Variants in CEP112 observed in about 807,000 individuals in gnomAD.
CEP112 encodes centrosomal protein 112, also known as centrosomal protein of 112 kDa.
A neutral mutation model predicts 153.0 loss-of-function variants in CEP112; 127 were observed. The ratio of observed to expected loss-of-function variants is 0.83; its 90% CI spans 0.72 to 0.96. The LOEUF is 0.96. CEP112 is among the 40% of genes least tolerant of loss of function. The pLI is 0.00. For synonymous variants in CEP112, 358 were observed against 374.4 expected, an observed-to-expected ratio of 0.96 and a Z score of 0.51; for missense variants, 1,089 against 1,101.2, an observed-to-expected ratio of 0.99 and a Z score of 0.16.
intron 21 of CEP112, among the ~76,000 whole-genome samples, chr17:65,804,170 C>T (rs10468567): frequency 0.34 from 51,834 of 151,970 alleles, 10,129 homozygotes; most frequent in Middle Eastern, 0.47. Flanking sequence ...AAATGTGTTT[C>T]GTCTGGTTTC....
At chr17:66,070,728 A>G (rs2067281281) in intron 8 of CEP112, among the ~76,000 whole-genome samples, 1 of 152,212 alleles carries the variant, frequency 6.6e-6, no homozygotes, top group Admixed American at 6.5e-5. Flanking sequence ...GAAGAGCAAC[A>G]TAAAATTGAT....
At position 66,096,257 on chromosome 17, in the gene CEP112, C is replaced by T; in HGVS notation, c.762G>A (p.Glu254=). Reference sequence around the variant, plus strand: ...AGCAATATCTCATTCCTACCTCTTTCTCACGTATTCGAGAGAGAAAATGAT... The same window carrying T: ...AGCAATATCTCATTCCTACCTCTTTTTCACGTATTCGAGAGAGAAAATGAT... The part of the protein sequence containing the change: ...HDDHFLSRIR[E]KELDMKTKMM... The change falls in exon 8 of 27, where the codon GAG becomes GAA. Residue 254 remains glutamate, a synonymous_variant. Transcript: ENST00000535342. 6.2e-7 allele frequency: 1 copy of T among 1,609,552 alleles called. No homozygotes were observed. Among genetic ancestry groups the T allele is most frequent in the Non-Finnish European group, 8.5e-7 (1 of 1,176,806 alleles).
intron 24 of CEP112, among the ~76,000 whole-genome samples, chr17:65,658,237 G>A (rs955201709): frequency 6.6e-6 from 1 of 152,234 alleles, no homozygotes; most frequent in Non-Finnish European, 1.5e-5. Flanking sequence ...ATTACTGGGA[G>A]GTGGAGAAGG....
At chr17:65,901,805 A>G (rs566242214) in intron 20 of CEP112, among the ~76,000 whole-genome samples, 2 of 151,984 alleles carry the variant, frequency 1.3e-5, no homozygotes, top group East Asian at 3.9e-4. Context: ...AGGCTGATAT[A>G]TTTCATAGGG....
intron 21 of CEP112, among the ~76,000 whole-genome samples, chr17:65,753,749 C>G (rs2052035604): frequency 6.6e-6 from 1 of 152,180 alleles, no homozygotes; most frequent in South Asian, 2.1e-4. Context: ...GTCCCAGGCA[C>G]TGTTCTAAGT....
intron 20 of CEP112, among the ~76,000 whole-genome samples, chr17:65,882,989 C>T (rs533886436): frequency 6.6e-6 from 1 of 152,110 alleles, no homozygotes; most frequent in African/African-American, 2.4e-5. Flanking sequence ...TTCATTAATA[C>T]AGCCACATGC....
chr17:65,806,119 A>G (rs2055582632), intron 21 of CEP112, among the ~76,000 whole-genome samples: 1 of 152,242 alleles, frequency 6.6e-6, no homozygotes, highest in African/African-American at 2.4e-5. Context: ...TTAGGGTGCT[A>G]TAGTTGGAAA....
intron 18 of CEP112, among the ~76,000 whole-genome samples, chr17:65,930,896 AG>A (rs2144247382): frequency 6.6e-6 from 1 of 152,074 alleles, no homozygotes; most frequent in African/African-American, 2.4e-5. Context: ...AAGTTGACTC[AG>A]GTTTTCCTTC....
At chr17:66,152,292 T>C (rs1363751613) in intron 4 of CEP112, among the ~76,000 whole-genome samples, 4 of 152,136 alleles carry the variant, frequency 2.6e-5, no homozygotes, top group Non-Finnish European at 2.9e-5. Context: ...CCTTTTTACA[T>C]AGAGATAGAA....
chr17:65,659,731 G>T (rs1391464045), intron 24 of CEP112, among the ~76,000 whole-genome samples: 1 of 152,066 alleles, frequency 6.6e-6, no homozygotes, highest in Non-Finnish European at 1.5e-5. Context: ...CTTCCTTTAG[G>T]CTTTCTGAAA....
intron 19 of CEP112, among the ~76,000 whole-genome samples, chr17:65,921,502 T>C (rs2060726787): frequency 6.6e-6 from 1 of 152,182 alleles, no homozygotes; most frequent in Non-Finnish European, 1.5e-5. Context: ...TAAAATGTAC[T>C]AGCTCATACT....
chr17:66,094,208 C>T (rs2068248462), intron 8 of CEP112, among the ~76,000 whole-genome samples: 2 of 151,932 alleles, frequency 1.3e-5, no homozygotes, highest in African/African-American at 4.8e-5. Context: ...TACAGGCATG[C>T]CCTACCACAC....
intron 24 of CEP112, among the ~76,000 whole-genome samples, chr17:65,654,630 C>T (rs2045964618): frequency 6.6e-6 from 1 of 152,158 alleles, no homozygotes; most frequent in South Asian, 2.1e-4. Flanking sequence ...GTGGCTTTAG[C>T]ATGAGTGAAT....
chr17:65,756,470 GAA>G (rs1051131408), intron 21 of CEP112, among the ~76,000 whole-genome samples: 3 of 128,708 alleles, frequency 2.3e-5, no homozygotes, highest in Non-Finnish European at 5.0e-5. Flanking sequence ...GCCAACTGAA[GAA>G]AAGTGTTTCA....
At chr17:65,846,283 C>A (rs2057721652) in intron 21 of CEP112, among the ~76,000 whole-genome samples, 2 of 152,122 alleles carry the variant, frequency 1.3e-5, no homozygotes, top group Non-Finnish European at 2.9e-5. Context: ...TAGTTTTATT[C>A]AAACTCACAG....
chr17:66,030,143 C>T, intron 12 of CEP112, 120 bp from the exon 13 acceptor site: 1 of 763,144 alleles, frequency 1.3e-6, no homozygotes, highest in Non-Finnish European at 2.0e-6. Context: ...GTATCATAAA[C>T]CATGGTAGTA....
chr17:65,718,537 A>G (rs915376933), intron 23 of CEP112, among the ~76,000 whole-genome samples: 1 of 152,038 alleles, frequency 6.6e-6, no homozygotes, highest in Non-Finnish European at 1.5e-5. Flanking sequence ...TTTAATGTCT[A>G]TTTCAGTGGA....
chr17:65,985,760 CAGG>C (rs2063384209), intron 17 of CEP112, among the ~76,000 whole-genome samples: 2 of 151,928 alleles, frequency 1.3e-5, no homozygotes, highest in Non-Finnish European at 1.5e-5. Context: ...TTCCACTGCT[CAGG>C]AGGTCATACA....
chr17:65,742,961 G>A, intron 23 of CEP112, 107 bp downstream of exon 23: 1 of 835,136 alleles, frequency 1.2e-6, no homozygotes, highest in South Asian at 2.1e-5. Context: ...CAGGCTGTGT[G>A]AACAAGCCAG....
Sources: gnomAD v4.1 joint callset for allele counts (sites outside exome capture counted in the v4.1 genomes callset) on GRCh38, gnomAD v4.1.1 for gene constraint, MANE v1.5 for transcripts, NCBI Gene and HGNC (gene_info 2026-07-23, HGNC 2026-07-21) for gene names.